Variants in LRRCC1 observed in about 807,000 individuals in gnomAD.
The protein encoded by LRRCC1 is leucine rich repeat and coiled-coil centrosomal protein 1.
In LRRCC1, 115 loss-of-function variants were observed where a neutral mutation model predicts 126.0. The ratio of observed to expected loss-of-function variants is 0.91; its 90% confidence interval spans 0.78 to 1.07. LRRCC1 has a LOEUF of 1.07. Among genes scored for constraint, LRRCC1 ranks in the 50% least tolerant of loss-of-function variants. The pLI, the probability that LRRCC1 is intolerant of heterozygous loss-of-function variation, is 0.00. For synonymous variants in LRRCC1, 400 were observed against 393.4 expected (o/e 1.02, Z -0.20); for missense variants, 1,172 against 1,175.7 (o/e 1.00, Z 0.05).
rs781473812 is a variant in LRRCC1 at position 85,137,493 on chromosome 8, T to C, written c.2359T>C (p.Leu787=). Residue 787 remains leucine, a synonymous_variant, in exon 15 of 19, where the codon TTG becomes CTG. Coordinates refer to ENST00000360375, the MANE Select transcript of LRRCC1 (RefSeq NM_033402.5). ...GSSLAQNRGK[L]EAQIESLSRE... is the part of the protein sequence containing the mutation. ...TTCTCTAGCCCAAAATCGTGGAAAATTGGAGGCTCAAATTGAGAGTTTATC... is the reference window on the plus strand; with the variant it reads ...TTCTCTAGCCCAAAATCGTGGAAAACTGGAGGCTCAAATTGAGAGTTTATC... 25 of 1,555,398 alleles carry C rather than the reference T, an allele frequency of 1.6e-5. No individual in the cohort carries two copies. In the East Asian group the frequency reaches 3.1e-4, roughly 19 times the overall value.
At chr8:85,128,433 C>T (rs557622784) in intron 9 of LRRCC1, among the ~76,000 whole-genome samples, 1 of 136,708 alleles carries the variant, frequency 7.3e-6, no homozygotes, top group Non-Finnish European at 1.6e-5. Flanking sequence ...CCCCACCCCC[C>T]CCACCACCAC....
chr8:85,116,909 T>C (rs1488723911), intron 6 of LRRCC1, among the ~76,000 whole-genome samples: 1 of 152,174 alleles, frequency 6.6e-6, no homozygotes, highest in Non-Finnish European at 1.5e-5. Flanking sequence ...TTTGAGCCAA[T>C]AAGGAGATAG....
intron 9 of LRRCC1, 136 bp downstream of exon 9, chr8:85,126,973 T>A (rs1810060733): frequency 5.7e-6 from 4 of 697,502 alleles, no homozygotes; most frequent in Non-Finnish European, 8.9e-6. Flanking sequence ...ACTAATTTTA[T>A]TAGACAATTT....
At chr8:85,136,027 T>TG (rs1810835840) in intron 14 of LRRCC1, 64 bp downstream of exon 14, 2 of 1,346,410 alleles carry the variant, frequency 1.5e-6, no homozygotes, top group Admixed American at 2.7e-5. Flanking sequence ...ATCTGGGTAT[T>TG]GGAGAGAAAA....
chr8:85,141,596 A>T (rs546567035), intron 18 of LRRCC1, 79 bp downstream of exon 18: 1 of 1,105,950 alleles, frequency 9.0e-7, no homozygotes, highest in South Asian at 1.7e-5. Context: ...CGAGAATTAT[A>T]AAGAGAAAAG....
chr8:85,124,767 AT>A, intron 7 of LRRCC1, 24 bp from the exon 8 acceptor site: 1 of 1,441,800 alleles, frequency 6.9e-7, no homozygotes, highest in Non-Finnish European at 9.3e-7. Context: ...TTTTTGAGTT[AT>A]TTTCTATGTT....
intron 11 of LRRCC1, among the ~76,000 whole-genome samples, chr8:85,130,424 G>A (rs1014358229): frequency 5.3e-5 from 8 of 151,788 alleles, no homozygotes; most frequent in Non-Finnish European, 8.8e-5. Flanking sequence ...TTACAGGCAT[G>A]AGCCACCGCG....
In LRRCC1 at chr8:85,134,903, T is replaced by G; in HGVS notation, c.2025T>G (p.Leu675=). ...ATELAKSKHA[L]IWAQRKENES... ...AGTTAGCAAAGAGCAAACATGCTCT[T>G]ATTTGGGCTCAACGAAAAGAAAATG... The change falls in exon 13 of 19, where the codon CTT becomes CTG. Residue 675 remains leucine, a synonymous_variant. Transcript: ENST00000360375. 2.5e-6 allele frequency: 4 copies of G among 1,598,214 alleles called. No individual in the cohort carries two copies. The South Asian group carries it at 4.6e-5, about 18-fold the overall frequency.
At position 85,145,377 on chromosome 8, in the gene LRRCC1, A is replaced by G. The variant is rs1811601978; in HGVS notation, c.2977-12A>G. The G allele has an allele frequency of 2.1e-6, 3 of 1,452,226 alleles. No individual in the cohort carries two copies. Among genetic ancestry groups the G allele is most frequent in the South Asian group, 1.6e-5 (1 of 64,472 alleles). The allele number at this position is 1,452,226 out of a possible 1,614,324, so 90.0% of individuals were successfully genotyped here. ...TAAGAAATTAAAATGTAAAATTTAC[A>G]TGTCGATTTAGGTCCATCAAATTGA... On this transcript the variant is annotated splice_polypyrimidine_tract_variant and intron_variant, in intron 18 of 18. Transcript: ENST00000360375.
At chr8:85,110,362 A>G (rs1227373397) in intron 3 of LRRCC1, among the ~76,000 whole-genome samples, 182 bp downstream of exon 3, 1 of 152,236 alleles carries the variant, frequency 6.6e-6, no homozygotes. Context: ...ACAGCTGAGT[A>G]CAAAATAGAA....
chr8:85,125,628 C>A (rs945131807), intron 8 of LRRCC1, among the ~76,000 whole-genome samples: 1 of 135,210 alleles, frequency 7.4e-6, no homozygotes. Context: ...AGCCGAGATC[C>A]CGCCACTGCA....
At position 85,141,517 on chromosome 8, in the gene LRRCC1, G is replaced by C. The variant is rs1811251859; in HGVS notation, c.2976G>C (p.Lys992Asn). The change falls in exon 18 of 19, where the codon AAG becomes AAC. Residue 992 changes from lysine to asparagine, a missense_variant and splice_region_variant. Lys to Asn is a moderately conservative substitution (Grantham distance 94). Transcript: ENST00000360375. ...AGTGTATTGATTCTGCAAATTTAAA[G>C]GTATTGTAAGTAAAATTCACTTCAA... The part of the protein sequence containing the change: ...KQKCIDSANL[K>N]VHQIEKEMRE... The C allele has an allele frequency of 1.9e-6, 3 of 1,596,276 alleles. No individual in the cohort carries two copies. Among genetic ancestry groups the C allele is most frequent in the Non-Finnish European group, 1.7e-6 (2 of 1,169,332 alleles).
chr8:85,133,289 C>A (rs1810618520), intron 12 of LRRCC1, among the ~76,000 whole-genome samples: 1 of 152,158 alleles, frequency 6.6e-6, no homozygotes, highest in Non-Finnish European at 1.5e-5. Context: ...TTCCAGCACA[C>A]TGCATTTCTT....
At chr8:85,134,185 A>G (rs1247641814) in intron 12 of LRRCC1, among the ~76,000 whole-genome samples, 2 of 152,158 alleles carry the variant, frequency 1.3e-5, no homozygotes, top group Non-Finnish European at 2.9e-5. Flanking sequence ...CACACTTCAC[A>G]TCCTTCTAAC....
chr8:85,145,912 C>G lies in LRRCC1; in HGVS notation c.*401C>G, dbSNP rs1250119386. 1 of 152,622 alleles carries G rather than the reference C, an allele frequency of 6.6e-6. No homozygotes were observed. Among genetic ancestry groups the G allele is most frequent in the African/African-American group, 2.4e-5 (1 of 41,422 alleles). 9.5% of individuals were successfully genotyped at this position (152,622 alleles called of 1,614,324 possible). A position where few individuals can be genotyped will look rare whatever the true frequency, so the allele number is the denominator to read the frequency against. On this transcript the variant is annotated 3_prime_UTR_variant, in exon 19 of 19. Transcript: ENST00000360375. ...TATTTGTTATTTAATTGATGTAGCT[C>G]AATTCTTTTAAAGTACTTATGTAGC...
chr8:85,110,162 C>A lies in LRRCC1; in HGVS notation c.358C>A (p.His120Asn). 1 of 1,320,276 alleles carries A rather than the reference C, an allele frequency of 7.6e-7. No homozygotes were observed. Among genetic ancestry groups the A allele is most frequent in the Non-Finnish European group, 1.0e-6 (1 of 958,974 alleles). 81.8% of individuals were successfully genotyped at this position (1,320,276 alleles called of 1,614,324 possible). A position where few individuals can be genotyped will look rare whatever the true frequency, so the allele number is the denominator to read the frequency against. The change falls in exon 3 of 19, where the codon CAC becomes AAC. Residue 120 changes from histidine to asparagine, a missense_variant. His to Asn is a moderately conservative substitution (Grantham distance 68). Transcript: ENST00000360375. Reference sequence around the variant, plus strand: ...GACTAGACTAAATGTATCTTATAACCACATAGATGATCTTAGTGGTAAGTA... The same window carrying A: ...GACTAGACTAAATGTATCTTATAACAACATAGATGATCTTAGTGGTAAGTA... ...NLTRLNVSYN[H>N]IDDLSGLIPL...
chr8:85,123,167 T>C (rs879505063), intron 6 of LRRCC1, among the ~76,000 whole-genome samples: 1 of 152,196 alleles, frequency 6.6e-6, no homozygotes, highest in Admixed American at 6.5e-5. Flanking sequence ...TTATAAGGCC[T>C]TCAAGTAGTT....
At chr8:85,115,644 A>T in intron 6 of LRRCC1, 60 bp downstream of exon 6, 2 of 1,247,540 alleles carry the variant, frequency 1.6e-6, no homozygotes. Flanking sequence ...AGTTAAGAAA[A>T]TGTAAAATAA....
At chr8:85,125,797 C>T (rs1809948233) in intron 8 of LRRCC1, among the ~76,000 whole-genome samples, 1 of 151,512 alleles carries the variant, frequency 6.6e-6, no homozygotes, top group Non-Finnish European at 1.5e-5. Context: ...TTAACTTCCC[C>T]TTATATTACT....
Sources: allele counts gnomAD v4.1 joint callset (sites outside exome capture counted in the v4.1 genomes callset), GRCh38; gene constraint gnomAD v4.1.1; transcripts MANE v1.5; gene names NCBI Gene and HGNC (gene_info 2026-07-23, HGNC 2026-07-21).